CRK: variants seen among roughly 807,000 people sequenced by gnomAD.
The protein encoded by CRK is CRK proto-oncogene, adaptor protein.
Under a neutral mutation model 29.8 loss-of-function variants are expected in CRK, and 4 were observed. The observed-to-expected ratio is 0.13, with a 90% confidence interval of 0.07 to 0.31. The LOEUF (loss-of-function observed/expected upper bound fraction) is 0.31. Among genes scored for constraint, CRK ranks in the 10% least tolerant of loss-of-function variants. The pLI is 1.00. For synonymous variants in CRK, 153 were observed against 164.9 expected, an observed-to-expected ratio of 0.93 and a Z score of 0.55; for missense variants, 274 against 396.5, an observed-to-expected ratio of 0.69 and a Z score of 2.62.
At chr17:1,435,694 T>C (rs76312375) in intron 2 of CRK, among the ~76,000 whole-genome samples, 1,583 of 151,894 alleles carry the variant, frequency 0.01, 28 homozygotes, top group African/African-American at 0.036. Flanking sequence ...TTTTTTTTTT[T>C]CACTTTTTGT....
intron 2 of CRK, among the ~76,000 whole-genome samples, chr17:1,430,044 GA>G (rs138543531): frequency 0.047 from 6,775 of 144,674 alleles, 228 homozygotes; most frequent in South Asian, 0.11. Context: ...TAACTCAAAT[GA>G]TTTTTTTTTT....
chr17:1,441,407 C>T (rs1263076293), intron 1 of CRK, among the ~76,000 whole-genome samples: 1 of 152,156 alleles, frequency 6.6e-6, no homozygotes, highest in Non-Finnish European at 1.5e-5. Flanking sequence ...CAGCTCACCG[C>T]AGTCTCAAAC....
intron 2 of CRK, among the ~76,000 whole-genome samples, chr17:1,427,524 C>T (rs1474781350): frequency 2.0e-5 from 3 of 151,612 alleles, no homozygotes; most frequent in Non-Finnish European, 4.4e-5. Flanking sequence ...ACCCAGGAGG[C>T]GGAGCTTGCA....
At chr17:1,443,562 ATTT>A (rs1367800833) in intron 1 of CRK, among the ~76,000 whole-genome samples, 3 of 141,966 alleles carry the variant, frequency 2.1e-5, no homozygotes, top group East Asian at 2.1e-4. Context: ...CGCCCGGCTA[ATTT>A]TTTTTTGTAT....
intron 2 of CRK, among the ~76,000 whole-genome samples, chr17:1,434,580 T>G (rs374377983): frequency 8.5e-5 from 13 of 152,064 alleles, no homozygotes; most frequent in Admixed American, 3.9e-4. Context: ...GTCAGGAGTT[T>G]GAGACCAGCC....
At chr17:1,426,927 G>A (rs889296859) in intron 2 of CRK, among the ~76,000 whole-genome samples, 2 of 150,758 alleles carry the variant, frequency 1.3e-5, no homozygotes, top group Admixed American at 1.3e-4. Context: ...AGCTACTCAA[G>A]AGGCTGACAT....
At chr17:1,440,885 AAGAG>A (rs1373087463) in intron 1 of CRK, among the ~76,000 whole-genome samples, 1 of 152,132 alleles carries the variant, frequency 6.6e-6, no homozygotes, top group Non-Finnish European at 1.5e-5. Context: ...GCCTGGGCAA[AAGAG>A]AGAGACCTTG....
intron 1 of CRK, among the ~76,000 whole-genome samples, chr17:1,450,327 T>C (rs2074007473): frequency 6.6e-6 from 1 of 151,596 alleles, no homozygotes; most frequent in Admixed American, 6.6e-5. Context: ...GCTAACACGG[T>C]GAAACACCTC....
At chr17:1,437,907 C>G (rs914094672) in intron 1 of CRK, among the ~76,000 whole-genome samples, 2 of 150,522 alleles carry the variant, frequency 1.3e-5, no homozygotes, top group Non-Finnish European at 2.9e-5. Flanking sequence ...CTCAGGTGAT[C>G]CACCCACCTC....
intron 2 of CRK, among the ~76,000 whole-genome samples, chr17:1,426,698 T>C (rs1405891300): frequency 1.3e-5 from 2 of 152,118 alleles, no homozygotes; most frequent in Admixed American, 6.6e-5. Flanking sequence ...ACCCCGTCTC[T>C]ACTAAAATAC....
intron 2 of CRK, chr17:1,424,911 G>C (rs1464114715): frequency 2.0e-5 from 3 of 151,856 alleles, no homozygotes. Context: ...CTACTCGGGA[G>C]GCTGAGGTGG....
At chr17:1,439,560 G>A (rs1160360709) in intron 1 of CRK, among the ~76,000 whole-genome samples, 2 of 152,154 alleles carry the variant, frequency 1.3e-5, no homozygotes, top group Admixed American at 6.6e-5. Flanking sequence ...CATAGAGAAT[G>A]AGTTTTAGCT....
At chr17:1,453,728 G>A (rs1264072342) in intron 1 of CRK, among the ~76,000 whole-genome samples, 3 of 151,692 alleles carry the variant, frequency 2.0e-5, no homozygotes, top group Non-Finnish European at 4.4e-5. Flanking sequence ...TCAACTTGGC[G>A]AAACCCCAAC....
At chr17:1,444,798 A>T (rs2073961918) in intron 1 of CRK, among the ~76,000 whole-genome samples, 1 of 145,442 alleles carries the variant, frequency 6.9e-6, no homozygotes, top group African/African-American at 2.6e-5. Context: ...GCACCATTGC[A>T]CTCCAGCCTG....
chr17:1,429,066 T>A (rs2073811861), intron 2 of CRK, among the ~76,000 whole-genome samples: 1 of 152,038 alleles, frequency 6.6e-6, no homozygotes, highest in Non-Finnish European at 1.5e-5. Context: ...CAGGCTGGTC[T>A]CCAACTCCTG....
intron 1 of CRK, among the ~76,000 whole-genome samples, chr17:1,450,045 C>G (rs1412848608): frequency 6.6e-6 from 1 of 151,596 alleles, no homozygotes; most frequent in Admixed American, 6.6e-5. Context: ...ACTAAAAATA[C>G]AAAAAAATTA....
chr17:1,435,770 G>T (rs2073881988), intron 2 of CRK, among the ~76,000 whole-genome samples: 1 of 151,952 alleles, frequency 6.6e-6, no homozygotes. Context: ...TGGTCTTCCT[G>T]CCTTAGCCTC....
chr17:1,437,820 A>ATT (rs34817166), intron 1 of CRK, among the ~76,000 whole-genome samples: 75 of 136,756 alleles, frequency 5.5e-4, no homozygotes, highest in African/African-American at 9.2e-4. Context: ...TGACAAGCTA[A>ATT]TTTTTTTTTT....
At position 1,436,806 on chromosome 17, in the gene CRK, T is replaced by C. The variant is rs756822098; in HGVS notation, c.591A>G (p.Val197=). 3 of 1,582,532 alleles carry C rather than the reference T, an allele frequency of 1.9e-6. No individual in the cohort carries two copies. Among genetic ancestry groups the C allele is most frequent in the African/African-American group, 1.3e-5 (1 of 74,116 alleles). The part of the protein sequence containing the change: ...VEKYRPASAS[V]SALIGGNQEG... The stretch of plus-strand genomic sequence containing the variant: ...CCTGGTTACCTCCAATCAGAGCCGA[T>C]ACTGAGGCGGAGGCAGGTCTATACT... The change falls in exon 2 of 3, where the codon GTA becomes GTG. Residue 197 remains valine, a synonymous_variant. Transcript: ENST00000300574.
Sources: gnomAD v4.1 joint callset for allele counts (sites outside exome capture counted in the v4.1 genomes callset) on GRCh38, gnomAD v4.1.1 for gene constraint, MANE v1.5 for transcripts, NCBI Gene and HGNC (gene_info 2026-07-23, HGNC 2026-07-21) for gene names.